The following RXRG variants were observed in gnomAD, a reference collection of about 807,000 sequenced individuals.
The protein encoded by RXRG is retinoic acid receptor RXR-gamma.
Under a neutral mutation model 49.2 loss-of-function variants are expected in RXRG, and 19 were observed. That is an observed-to-expected ratio of 0.39 (90% confidence interval 0.27 to 0.57). The LOEUF (loss-of-function observed/expected upper bound fraction) is 0.57. RXRG is among the 20% of genes least tolerant of loss of function. The pLI, the probability that RXRG is intolerant of heterozygous loss-of-function variation, is 0.64. For synonymous variants in RXRG, 224 were observed against 216.6 expected (o/e 1.03, Z -0.30); for missense variants, 452 against 592.5 (o/e 0.76, Z 2.46).
intron 1 of RXRG, among the ~76,000 whole-genome samples, chr1:165,440,353 T>A (rs1316748745): frequency 6.6e-6 from 1 of 152,214 alleles, no homozygotes; most frequent in Non-Finnish European, 1.5e-5. Context: ...TGAAACGAGT[T>A]GATACAGGTT....
intron 2 of RXRG, among the ~76,000 whole-genome samples, chr1:165,422,078 G>A (rs1658338761): frequency 6.6e-6 from 1 of 152,072 alleles, no homozygotes. Context: ...TGGGAATAAG[G>A]AAGAAACCAC....
rs1263810966 is a variant in RXRG, at chr1:165,418,659, G to T, written c.442+1211C>A. ...TGATAAATACAGGATTTTATCTTGG[G>T]CCCAGAAAACCTAGTGCTCTCAGTT... On this transcript the variant is annotated intron_variant, in intron 3 of 9. Transcript: ENST00000359842. Among the ~76,000 whole-genome samples, 3 of 152,124 alleles carry T rather than the reference G, an allele frequency of 2.0e-5. No homozygotes were observed. The East Asian group carries it at 5.8e-4, about 29-fold the overall frequency.
Position 165,428,829 on chromosome 1 carries a change from G to C in RXRG, c.187C>G (p.Leu63Val), listed in dbSNP as rs575591593. The change falls in exon 2 of 10, where the codon CTC (leucine) becomes GTC (valine). Residue 63 changes from leucine (L) to valine (V), a missense_variant. This residue lies in a region of RXRG where 166 missense variants were observed against 151.7 expected (regional missense o/e 1.09). Transcript: ENST00000359842. ...CGATATGGAGAGCCCAGGGCATTGA[G>C]GGGGGTCCCCACTGCACTCAGAGTC... is the stretch of plus-strand genomic sequence containing the variant. ...PRTLSAVGTP[L>V]NALGSPYRVI... 1.9e-6 allele frequency: 3 copies of C among 1,614,020 alleles called. No homozygotes were observed. Among genetic ancestry groups the C allele is most frequent in the African/African-American group, 2.7e-5 (2 of 74,932 alleles).
chr1:165,401,128 T>C lies in RXRG; in HGVS notation c.*135A>G. The C allele has an allele frequency of 1.3e-6, 1 of 759,666 alleles. No homozygotes were observed. Among genetic ancestry groups the C allele is most frequent in the Non-Finnish European group, 2.1e-6 (1 of 474,938 alleles). 47.1% of individuals were successfully genotyped at this position (759,666 alleles called of 1,614,324 possible). ...TATAAAAGTCTCATGTGTAGAAAGG[T>C]TTTCTTTATTATAAGCATCACATTT... On this transcript the variant is annotated 3_prime_UTR_variant, in exon 10 of 10. Coordinates refer to ENST00000359842, the MANE Select transcript of RXRG (RefSeq NM_006917.5).
chr1:165,435,301 G>T (rs1318774595), intron 1 of RXRG, among the ~76,000 whole-genome samples: 1 of 152,176 alleles, frequency 6.6e-6, no homozygotes, highest in African/African-American at 2.4e-5. Context: ...CCTTCCAAGG[G>T]CATGGCATGC....
At chr1:165,401,468 C>T (rs1657563357) in intron 9 of RXRG, 58 bp from the exon 10 acceptor site, 1 of 1,600,782 alleles carries the variant, frequency 6.2e-7, no homozygotes, top group Non-Finnish European at 8.5e-7. Context: ...CACACCTGCA[C>T]CTGCTGGCAG....
chr1:165,436,634 A>G (rs1486973380), intron 1 of RXRG, among the ~76,000 whole-genome samples: 1 of 152,186 alleles, frequency 6.6e-6, no homozygotes, highest in Non-Finnish European at 1.5e-5. Context: ...ACGTTTTAAC[A>G]AATCATCCCA....
intron 2 of RXRG, among the ~76,000 whole-genome samples, chr1:165,421,965 G>T (rs185497572): frequency 6.6e-6 from 1 of 152,132 alleles, no homozygotes; most frequent in Non-Finnish European, 1.5e-5. Flanking sequence ...ACTTGGATCC[G>T]ACTCATGAAA....
rs188357616 is a variant in RXRG, at chr1:165,434,221, A to G, written c.50-5255T>C. Reference sequence around the variant, plus strand: ...TCAACAGAAATTATTTGCATAAGAAAGCAATGTTCCTGATGTTTACCAGAA... The same window carrying G: ...TCAACAGAAATTATTTGCATAAGAAGGCAATGTTCCTGATGTTTACCAGAA... On this transcript the variant is annotated intron_variant, in intron 1 of 9. Transcript: ENST00000359842. 1.6e-4 allele frequency among the ~76,000 whole-genome samples: 24 copies of G among 152,122 alleles called. No individual in the cohort carries two copies. The East Asian group carries it at 3.5e-3, about 22-fold the overall frequency.
At chr1:165,409,444 C>T in intron 7 of RXRG, 114 bp downstream of exon 7, 3 of 1,230,606 alleles carry the variant, frequency 2.4e-6, no homozygotes, top group East Asian at 3.2e-5. Context: ...CCCAGCACTA[C>T]CCAGAGGTTC....
intron 1 of RXRG, among the ~76,000 whole-genome samples, chr1:165,430,566 A>G (rs927117964): frequency 1.3e-5 from 2 of 152,238 alleles, no homozygotes; most frequent in African/African-American, 4.8e-5. Flanking sequence ...CCCTCTTGTC[A>G]TTCTACGTAT....
intron 1 of RXRG, chr1:165,437,205 G>A (rs1399061803): frequency 7.3e-7 from 1 of 1,367,674 alleles, no homozygotes. Flanking sequence ...GAACACCCTA[G>A]ACCAAGAAGA....
At chr1:165,408,424 T>C in intron 7 of RXRG, 106 bp from the exon 8 acceptor site, 1 of 772,346 alleles carries the variant, frequency 1.3e-6, no homozygotes, top group Non-Finnish European at 2.3e-6. Flanking sequence ...TGTTTCCAGA[T>C]GATGTACCAG....
intron 4 of RXRG, 56 bp downstream of exon 4, chr1:165,416,985 C>G (rs1217734472): frequency 6.1e-5 from 94 of 1,538,296 alleles, no homozygotes; most frequent in Non-Finnish European, 4.4e-6. Context: ...TGAATGTCCC[C>G]TTGCCTAGGA....
At chr1:165,406,122 T>C (rs1427248403) in intron 9 of RXRG, among the ~76,000 whole-genome samples, 2 of 152,238 alleles carry the variant, frequency 1.3e-5, no homozygotes, top group African/African-American at 4.8e-5. Context: ...GGCTTAGCTG[T>C]ACTTTGGAAG....
At position 165,411,071 on chromosome 1, in the gene RXRG, C is replaced by G. The variant is rs1657929748; in HGVS notation, c.661G>C (p.Glu221Gln). The G allele has an allele frequency of 1.2e-6, 2 of 1,614,028 alleles. No individual in the cohort carries two copies. Among genetic ancestry groups the G allele is most frequent in the South Asian group, 1.1e-5 (1 of 91,088 alleles). The change falls in exon 5 of 10, where the codon GAG (glutamate) becomes CAG (glutamine). Residue 221 changes from glutamate (E) to glutamine (Q), a missense_variant. By Grantham distance (29) the Glu-to-Gln change is conservative (BLOSUM62 2). Transcript: ENST00000359842. Reference sequence around the variant, plus strand: ...CTGGTAGCACATTCTGCCTCACTCTCAGCTCGCTCTCGGCTCCTCTGTCTT... The same window carrying G: ...CTGGTAGCACATTCTGCCTCACTCTGAGCTCGCTCTCGGCTCCTCTGTCTT... The part of the protein sequence containing the change: ...EERQRSRERA[E>Q]SEAECATSGH...
rs185742425 is a variant in RXRG at position 165,427,106 on chromosome 1, A to C, written c.297+1613T>G. Among the ~76,000 whole-genome samples, 229 of 152,304 alleles carry C rather than the reference A, an allele frequency of 1.5e-3. 1 individual carries two copies. The highest frequency in any genetic ancestry group is 4.7e-3 in the African/African-American group (194 of 41,548). On this transcript the variant is annotated intron_variant, in intron 2 of 9. Transcript: ENST00000359842. Reference sequence around the variant, plus strand: ...TTTAAATGTTCATCTCATCCAAAAAACACCCTCTCAGAAACACCCAGAACA... The same window carrying C: ...TTTAAATGTTCATCTCATCCAAAAACCACCCTCTCAGAAACACCCAGAACA...
intron 2 of RXRG, 83 bp downstream of exon 2, chr1:165,428,636 T>A: frequency 1.3e-6 from 2 of 1,483,384 alleles, no homozygotes; most frequent in Non-Finnish European, 1.8e-6. Flanking sequence ...ATGGACCTGC[T>A]GAGTGCTGGT....
At chr1:165,418,114 A>C (rs1658189892) in intron 3 of RXRG, among the ~76,000 whole-genome samples, 1 of 27,752 alleles carries the variant, frequency 3.6e-5, no homozygotes, top group Non-Finnish European at 9.3e-5. Context: ...CCGTCTCAAA[A>C]AAAAAAAAAA....
Sources: allele counts gnomAD v4.1 joint callset (sites outside exome capture counted in the v4.1 genomes callset), GRCh38; gene constraint gnomAD v4.1.1; regional missense constraint gnomAD v4.1.1; transcripts MANE v1.5; gene names NCBI Gene and HGNC (gene_info 2026-07-23, HGNC 2026-07-21).